Variants in TNKS2 observed in about 807,000 individuals in gnomAD.
TNKS2 encodes the protein tankyrase 2.
TNKS2 carries 72 observed loss-of-function variants against 137.6 expected under a neutral mutation model. That is an observed-to-expected ratio of 0.52 (90% CI 0.43 to 0.64). The LOEUF (loss-of-function observed/expected upper bound fraction) is 0.64. TNKS2 is among the 30% of genes least tolerant of loss of function. The pLI is 0.00. For missense variants in TNKS2, 1,049 were observed against 1,410.2 expected (o/e 0.74, Z 4.10); for synonymous variants, 516 against 512.1 (o/e 1.01, Z -0.10).
At chr10:91,842,680 T>C (rs1416409405) in intron 16 of TNKS2, among the ~76,000 whole-genome samples, 4 of 151,778 alleles carry the variant, frequency 2.6e-5, no homozygotes, top group African/African-American at 2.4e-5. Flanking sequence ...GAGGCTGAGG[T>C]GGGAAGATTG....
At chr10:91,801,100 G>A (rs1844152787) in intron 1 of TNKS2, among the ~76,000 whole-genome samples, 1 of 152,144 alleles carries the variant, frequency 6.6e-6, no homozygotes, top group Non-Finnish European at 1.5e-5. Context: ...ACTGGGGGAG[G>A]CATGTTTTTG....
rs913575542 is a variant in TNKS2 at position 91,846,021 on chromosome 10, A to G, written c.2358+81A>G. On this transcript the variant is annotated intron_variant, in intron 18 of 26. Coordinates refer to ENST00000371627, the MANE Select transcript of TNKS2 (RefSeq NM_025235.4). ...CTTGATGTTATTATAAAATGTCTTT[A>G]TAGTCAATGTGAATGGCAAAATCTG... 3.9e-6 allele frequency: 5 copies of G among 1,294,470 alleles called. No individual in the cohort carries two copies. In the African/African-American group the frequency reaches 4.4e-5, roughly 11 times the overall value. The allele number at this position is 1,294,470 out of a possible 1,614,324, so 80.2% of individuals were successfully genotyped here.
intron 13 of TNKS2, 57 bp downstream of exon 13, chr10:91,837,055 T>G: frequency 6.4e-7 from 1 of 1,560,608 alleles, no homozygotes; most frequent in South Asian, 1.2e-5. Flanking sequence ...ACATTGTTAT[T>G]TAATCTGTAC....
rs10691725 is a variant in TNKS2 at position 91,815,948 on chromosome 10, C to CTTTTT, written c.425-1172_425-1168dup. On this transcript the variant is annotated intron_variant, in intron 2 of 26. Coordinates refer to ENST00000371627, the MANE Select transcript of TNKS2 (RefSeq NM_025235.4). ...CACAGAGCAAAACACAAGACTTTCT[C>CTTTTT]TTTTTTTTTTTTTTTTTTGAGACGG... 2.0e-4 allele frequency among the ~76,000 whole-genome samples: 25 copies of CTTTTT among 125,132 alleles called. 1 individual carries two copies. Among genetic ancestry groups the CTTTTT allele is most frequent in the African/African-American group, 3.7e-4 (12 of 32,758 alleles). 82.1% of individuals were successfully genotyped at this position (125,132 alleles called of 152,430 possible).
intron 1 of TNKS2, among the ~76,000 whole-genome samples, chr10:91,809,931 T>C (rs1278549711): frequency 3.3e-5 from 5 of 152,172 alleles, no homozygotes; most frequent in Non-Finnish European, 7.3e-5. Context: ...ATATTTTCTT[T>C]TGGGTCTTTG....
At chr10:91,822,938 A>G (rs1202062800) in intron 7 of TNKS2, among the ~76,000 whole-genome samples, 2 of 151,392 alleles carry the variant, frequency 1.3e-5, no homozygotes, top group Non-Finnish European at 2.9e-5. Context: ...CTGAAATCCC[A>G]TCTACTCAGG....
chr10:91,798,569 G>A lies in TNKS2; in HGVS notation c.-122G>A, dbSNP rs1030206574. The A allele has an allele frequency of 1.8e-6, 2 of 1,119,394 alleles. No homozygotes were observed. The highest frequency in any genetic ancestry group is 2.2e-6 in the Non-Finnish European group (2 of 896,322). 69.3% of individuals were successfully genotyped at this position (1,119,394 alleles called of 1,614,324 possible). A position where few individuals can be genotyped will look rare whatever the true frequency, so the allele number is the denominator to read the frequency against. ...ACTGCGCCGGATCCGGTGACAGCAG[G>A]GAGCCAAGCGGCCCGGGCCCTGAGC... On this transcript the variant is annotated 5_prime_UTR_variant, in exon 1 of 27. Coordinates refer to ENST00000371627, the MANE Select transcript of TNKS2 (RefSeq NM_025235.4).
chr10:91,819,315 T>C lies in TNKS2; in HGVS notation c.557+9T>C, dbSNP rs1163508795. 23 of 1,466,920 alleles carry C rather than the reference T, an allele frequency of 1.6e-5. No homozygotes were observed. Among genetic ancestry groups the C allele is most frequent in the Non-Finnish European group, 1.7e-5 (19 of 1,098,954 alleles). 90.9% of individuals were successfully genotyped at this position (1,466,920 alleles called of 1,614,324 possible). A position where few individuals can be genotyped will look rare whatever the true frequency, so the allele number is the denominator to read the frequency against. ...CTCTTAGAAAGTGCCAGGTACGTAC[T>C]AATGTTATAAATATGTGACAGGAAT... is the stretch of plus-strand genomic sequence containing the variant. On this transcript the variant is annotated intron_variant, in intron 4 of 26. Transcript: ENST00000371627.
Position 91,862,099 on chromosome 10 carries a change from A to G in TNKS2, c.3382A>G (p.Arg1128Gly). 1.9e-6 allele frequency: 3 copies of G among 1,613,022 alleles called. No individual in the cohort carries two copies. Among genetic ancestry groups the G allele is most frequent in the Non-Finnish European group, 2.5e-6 (3 of 1,179,242 alleles). Residue 1128 changes from arginine (R) to glycine (G), a missense_variant, in exon 26 of 27, where the codon AGG (arginine) becomes GGG (glycine). Arg to Gly is a moderately radical substitution (Grantham distance 125, BLOSUM62 -2). Coordinates refer to ENST00000371627, the MANE Select transcript of TNKS2 (RefSeq NM_025235.4). ...TCCAGGTCATCACTCAGTCACTGGTAGGCCCAGTGTAAATGGCCTAGCATT... is the reference window on the plus strand; with the variant it reads ...TCCAGGTCATCACTCAGTCACTGGTGGGCCCAGTGTAAATGGCCTAGCATT... ...SPPGHHSVTG[R>G]PSVNGLALAE...
chr10:91,798,857 G>A lies in TNKS2; in HGVS notation c.167G>A (p.Gly56Asp), dbSNP rs1844057014. Reference sequence around the variant, plus strand: ...AAGGTGAACAGCCGCGACACGGCGGGCAGGAAATCCACCCCGCTGCACTTC... The same window carrying A: ...AAGGTGAACAGCCGCGACACGGCGGACAGGAAATCCACCCCGCTGCACTTC... ...PEKVNSRDTA[G>D]RKSTPLHFAA... Residue 56 changes from glycine (G) to aspartate (D), a missense_variant, in exon 1 of 27, where the codon GGC becomes GAC. Coordinates refer to ENST00000371627, the MANE Select transcript of TNKS2 (RefSeq NM_025235.4). 7.3e-7 allele frequency: 1 copy of A among 1,362,514 alleles called. No homozygotes were observed. Among genetic ancestry groups the A allele is most frequent in the Non-Finnish European group, 9.5e-7 (1 of 1,049,456 alleles). 84.4% of individuals were successfully genotyped at this position (1,362,514 alleles called of 1,614,324 possible). A position where few individuals can be genotyped will look rare whatever the true frequency, so the allele number is the denominator to read the frequency against.
chr10:91,854,889 A>T, intron 21 of TNKS2, 140 bp from the exon 22 acceptor site: 1 of 522,902 alleles, frequency 1.9e-6, no homozygotes, highest in African/African-American at 2.0e-5. Flanking sequence ...CAAGAGTGAA[A>T]CTCTGTCTCA....
In TNKS2 at chr10:91,834,023, A is replaced by G. The variant is rs1788091408; in HGVS notation, c.1446A>G (p.Gln482=). 4.4e-6 allele frequency: 7 copies of G among 1,594,278 alleles called. No homozygotes were observed. Among genetic ancestry groups the G allele is most frequent in the Non-Finnish European group, 6.0e-6 (7 of 1,172,626 alleles). The change falls in exon 12 of 27, where the codon CAA becomes CAG. Residue 482 remains glutamine (Q), a splice_region_variant and synonymous_variant. Transcript: ENST00000371627. ...MGNENVQQLL[Q]EGISLGNSEA... ...ATGAAAATGTACAGCAACTCCTCCA[A>G]GGTATTACATGCTTCAATGAAATTG...
chr10:91,802,848 C>A (rs1844213382), intron 1 of TNKS2, among the ~76,000 whole-genome samples: 1 of 152,218 alleles, frequency 6.6e-6, no homozygotes. Context: ...AATCATACAT[C>A]AGCAGGAAAC....
chr10:91,807,394 T>G (rs1844358984), intron 1 of TNKS2: 3 of 1,614,008 alleles, frequency 1.9e-6, no homozygotes, highest in Admixed American at 3.3e-5. Flanking sequence ...AGGTAAAGCT[T>G]CTCGGCAGCG....
chr10:91,823,062 A>T (rs984202822), intron 7 of TNKS2, among the ~76,000 whole-genome samples: 13 of 151,672 alleles, frequency 8.6e-5, no homozygotes, highest in South Asian at 2.1e-4. Context: ...AAAAAAAAAA[A>T]AATAATGTAG....
chr10:91,821,936 C>A (rs1015471078), intron 6 of TNKS2, among the ~76,000 whole-genome samples: 4 of 152,154 alleles, frequency 2.6e-5, no homozygotes, highest in African/African-American at 9.7e-5. Flanking sequence ...GTGAAACTTA[C>A]CTTTTAGAAA....
intron 1 of TNKS2, among the ~76,000 whole-genome samples, chr10:91,802,048 G>A (rs1333186641): frequency 2.6e-5 from 4 of 152,190 alleles, no homozygotes; most frequent in African/African-American, 9.7e-5. Context: ...AACTCTTGGA[G>A]TAGGGGTAGG....
rs116411932 is a variant in TNKS2, at chr10:91,851,658, G to A, written c.2815+322G>A. Among the ~76,000 whole-genome samples the A allele has an allele frequency of 3.0e-3, 457 of 152,166 alleles. 7 individuals carry two copies. Among genetic ancestry groups the A allele is most frequent in the African/African-American group, 0.011 (441 of 41,500 alleles). On this transcript the variant is annotated intron_variant, in intron 21 of 26. Transcript: ENST00000371627. ...GCTCTTAAATTGTATTATTTTAAAG[G>A]TCTGAAACTTAGGTATCACATTTCT...
intron 1 of TNKS2, among the ~76,000 whole-genome samples, chr10:91,802,630 A>G (rs529327671): frequency 6.6e-6 from 1 of 152,362 alleles, no homozygotes; most frequent in East Asian, 1.9e-4. Context: ...GCTACCAAAG[A>G]TATACTAGCT....
Sources: allele counts gnomAD v4.1 joint callset (sites outside exome capture counted in the v4.1 genomes callset), GRCh38; gene constraint gnomAD v4.1.1; transcripts MANE v1.5; gene names NCBI Gene and HGNC (gene_info 2026-07-23, HGNC 2026-07-21).